HIVEP3: variants seen among roughly 807,000 people sequenced by gnomAD.
HIVEP3 encodes transcription factor HIVEP3.
Under a neutral mutation model 152.8 loss-of-function variants are expected in HIVEP3, and 49 were observed. That is an observed-to-expected ratio of 0.32 (90% CI 0.26 to 0.41). HIVEP3 has a LOEUF of 0.41. Ranked by LOEUF, HIVEP3 falls within the 10% of genes least tolerant of loss-of-function variation. The pLI is 1.00. For synonymous variants in HIVEP3, 1,269 were observed against 1,289.0 expected, an observed-to-expected ratio of 0.98 and a Z score of 0.33; for missense variants, 2,790 against 3,103.3, an observed-to-expected ratio of 0.90 and a Z score of 2.40.
At chr1:41,694,143 T>G (rs1336343652) in intron 2 of HIVEP3, among the ~76,000 whole-genome samples, 1 of 152,224 alleles carries the variant, frequency 6.6e-6, no homozygotes, top group East Asian at 1.9e-4. Context: ...CCTTCTTCAG[T>G]TGACTCTTCA....
At chr1:41,891,898 GA>G (rs1644453151) in intron 1 of HIVEP3, among the ~76,000 whole-genome samples, 1 of 152,226 alleles carries the variant, frequency 6.6e-6, no homozygotes, top group Admixed American at 6.5e-5. Context: ...TAAAACTCAC[GA>G]GAGAAAGCGT....
chr1:41,777,437 G>A (rs1260130569), intron 1 of HIVEP3, among the ~76,000 whole-genome samples: 3 of 152,168 alleles, frequency 2.0e-5, no homozygotes, highest in Admixed American at 1.3e-4. Context: ...TCCAGCTCCA[G>A]GCCTCATGGG....
At chr1:41,590,116 A>C (rs909086948) in intron 3 of HIVEP3, among the ~76,000 whole-genome samples, 11 of 152,334 alleles carry the variant, frequency 7.2e-5, no homozygotes, top group Non-Finnish European at 1.0e-4. Context: ...AAAAAATACT[A>C]AAAGTGGCTG....
intron 2 of HIVEP3, among the ~76,000 whole-genome samples, chr1:41,686,293 C>T (rs982601669): frequency 1.3e-5 from 2 of 152,020 alleles, no homozygotes; most frequent in Non-Finnish European, 2.9e-5. Context: ...AGGCTGGTCT[C>T]GAATTCCTGG....
chr1:41,899,069 A>G (rs1644578555), intron 1 of HIVEP3, among the ~76,000 whole-genome samples: 2 of 152,266 alleles, frequency 1.3e-5, no homozygotes, highest in African/African-American at 4.8e-5. Context: ...CAATGAGGAA[A>G]GAAAACAAAA....
intron 2 of HIVEP3, among the ~76,000 whole-genome samples, chr1:41,671,690 A>G (rs1645879277): frequency 6.6e-6 from 1 of 152,106 alleles, no homozygotes; most frequent in Non-Finnish European, 1.5e-5. Flanking sequence ...ATCCATCCCC[A>G]CACCCACAGC....
chr1:41,730,376 G>C (rs950222607), intron 1 of HIVEP3, among the ~76,000 whole-genome samples: 17 of 152,210 alleles, frequency 1.1e-4, no homozygotes, highest in Admixed American at 3.3e-4. Flanking sequence ...CCTTCAGTTT[G>C]CTGCCCTCTT....
rs559910242 is a variant in HIVEP3 at position 41,620,133 on chromosome 1, G to C, written c.-522+8616C>G. On this transcript the variant is annotated intron_variant, in intron 3 of 8. Coordinates refer to ENST00000372583, the MANE Select transcript of HIVEP3 (RefSeq NM_024503.5). ...GACAAAGGCTTGGGAGCACTGAAAC[G>C]ACCCCAGGGAGGCATGCCAAACAGA... Among the ~76,000 whole-genome samples, 4 of 152,260 alleles carry C rather than the reference G, an allele frequency of 2.6e-5. No homozygotes were observed. In the South Asian group the frequency reaches 8.3e-4, roughly 32 times the overall value.
intron 1 of HIVEP3, among the ~76,000 whole-genome samples, chr1:41,897,421 G>T (rs1308858975): frequency 6.6e-6 from 1 of 152,168 alleles, no homozygotes; most frequent in Non-Finnish European, 1.5e-5. Context: ...GCTGGGATTA[G>T]TGTCCTCATA....
Position 41,628,823 on chromosome 1 carries a change from T to C in HIVEP3, c.-596A>G. Reference sequence around the variant, plus strand: ...TCTGAAAGCCAGCATTCATGTCCACTCCTACGGCAGCCACCCTCCACCTAG... The same window carrying C: ...TCTGAAAGCCAGCATTCATGTCCACCCCTACGGCAGCCACCCTCCACCTAG... On this transcript the variant is annotated 5_prime_UTR_variant, in exon 3 of 9. Transcript: ENST00000372583. 1 of 1,231,458 alleles carries C rather than the reference T, an allele frequency of 8.1e-7. No homozygotes were observed. Among genetic ancestry groups the C allele is most frequent in the Non-Finnish European group, 1.0e-6 (1 of 987,808 alleles). 76.3% of individuals were successfully genotyped at this position (1,231,458 alleles called of 1,614,324 possible).
At chr1:41,787,535 C>CTTTTTTTTTTTTTT (rs200281948) in intron 1 of HIVEP3, among the ~76,000 whole-genome samples, 1 of 122,840 alleles carries the variant, frequency 8.1e-6, no homozygotes, top group Non-Finnish European at 1.7e-5. Context: ...TTCTTTCTTT[C>CTTTTTTTTTTTTTT]TTTTTTTTTT....
chr1:41,731,527 A>G (rs1646839573), intron 1 of HIVEP3, among the ~76,000 whole-genome samples: 1 of 152,218 alleles, frequency 6.6e-6, no homozygotes, highest in South Asian at 2.1e-4. Context: ...ATGTCGTGGG[A>G]ATGACAGGCA....
intron 2 of HIVEP3, among the ~76,000 whole-genome samples, chr1:41,685,755 T>C (rs907891047): frequency 2.0e-5 from 3 of 152,252 alleles, no homozygotes; most frequent in South Asian, 4.1e-4. Context: ...TTTTGCTGGA[T>C]TGTAAGTTCC....
At chr1:41,679,784 G>C (rs780819764) in intron 2 of HIVEP3, among the ~76,000 whole-genome samples, 8 of 152,228 alleles carry the variant, frequency 5.3e-5, no homozygotes, top group Non-Finnish European at 1.0e-4. Context: ...TCTAGGGCTA[G>C]AATTAATTTT....
chr1:41,660,195 G>A (rs1645692513), intron 2 of HIVEP3, among the ~76,000 whole-genome samples: 1 of 152,164 alleles, frequency 6.6e-6, no homozygotes, highest in African/African-American at 2.4e-5. Flanking sequence ...GTGTGTATGT[G>A]TGCATGTGTG....
chr1:41,727,177 G>A (rs948022239), intron 1 of HIVEP3, among the ~76,000 whole-genome samples: 60 of 152,186 alleles, frequency 3.9e-4, no homozygotes, highest in African/African-American at 1.4e-3. Context: ...GGAGCTTCAC[G>A]TGTGTCATCT....
chr1:41,534,173 G>A (rs1378814077), intron 5 of HIVEP3, among the ~76,000 whole-genome samples: 1 of 152,118 alleles, frequency 6.6e-6, no homozygotes, highest in Non-Finnish European at 1.5e-5. Flanking sequence ...GCCAGTAGGA[G>A]CTGTCCCCAA....
chr1:41,912,354 A>G (rs978327093), intron 1 of HIVEP3, among the ~76,000 whole-genome samples: 1 of 152,202 alleles, frequency 6.6e-6, no homozygotes, highest in Non-Finnish European at 1.5e-5. Context: ...GGGCTATTTC[A>G]TTAAAGTTAT....
chr1:41,684,429 G>A (rs902337139), intron 2 of HIVEP3, among the ~76,000 whole-genome samples: 2 of 152,192 alleles, frequency 1.3e-5, no homozygotes, highest in Non-Finnish European at 2.9e-5. Flanking sequence ...GGTCTCCAGC[G>A]ACTCCCTGCT....
Sources: allele counts gnomAD v4.1 joint callset (sites outside exome capture counted in the v4.1 genomes callset), GRCh38; gene constraint gnomAD v4.1.1; transcripts MANE v1.5; gene names NCBI Gene and HGNC (gene_info 2026-07-23, HGNC 2026-07-21).